The following LY6S variants were observed in gnomAD, a reference collection of about 807,000 sequenced individuals.
LY6S encodes the protein lymphocyte antigen 6S.
At chr8:143,072,439 G>A in the LY6S span, among the ~76,000 whole-genome samples, 3 of 124,178 alleles carry the variant, frequency 2.4e-5, no homozygotes, top group Non-Finnish European at 4.8e-5. Context: ...GGAGACAGCC[G>A]TCGTCCTCGG....
the LY6S span, among the ~76,000 whole-genome samples, chr8:143,071,078 C>T: frequency 2.6e-5 from 4 of 151,254 alleles, no homozygotes; most frequent in South Asian, 8.3e-4. Context: ...ACTCAGGAGG[C>T]GGCATGGCTG....
chr8:143,049,019 C>A, the LY6S span, among the ~76,000 whole-genome samples: 1 of 152,134 alleles, frequency 6.6e-6, no homozygotes, highest in Non-Finnish European at 1.5e-5. Context: ...GCAGCGGGGG[C>A]CACCTCAGTC....
At chr8:143,070,443 AT>A in the LY6S span, among the ~76,000 whole-genome samples, 7 of 71,570 alleles carry the variant, frequency 9.8e-5, 1 homozygote, top group African/African-American at 4.9e-4. Flanking sequence ...TTATATATAT[AT>A]TGTATATATA....
chr8:143,072,918 A>G, the LY6S span, among the ~76,000 whole-genome samples: 23,860 of 35,030 alleles, frequency 0.68, 9,405 homozygotes, highest in Non-Finnish European at 0.74. Flanking sequence ...GACAGCCGTC[A>G]TCCCCGGGGT....
At chr8:143,065,434 C>T in the LY6S span, among the ~76,000 whole-genome samples, 88 of 152,292 alleles carry the variant, frequency 5.8e-4, no homozygotes, top group East Asian at 0.015. Context: ...GTGTTCTGCC[C>T]CCTTTGCCTG....
At chr8:143,061,059 A>G in the LY6S span, among the ~76,000 whole-genome samples, 1 of 152,216 alleles carries the variant, frequency 6.6e-6, no homozygotes, top group Non-Finnish European at 1.5e-5. Flanking sequence ...AAATGAACTT[A>G]TTCTAATTTA....
the LY6S span, chr8:143,066,589 T>C: frequency 3.5e-6 from 1 of 288,792 alleles, no homozygotes; most frequent in Admixed American, 3.4e-5. Flanking sequence ...CTTTGTCATC[T>C]TGGAGGCATA....
At chr8:143,072,343 C>A in the LY6S span, among the ~76,000 whole-genome samples, 1 of 145,480 alleles carries the variant, frequency 6.9e-6, no homozygotes, top group Admixed American at 6.9e-5. Flanking sequence ...AGCCGTCGTC[C>A]TCGGGGTTCC....
At chr8:143,055,140 T>TA in the LY6S span, among the ~76,000 whole-genome samples, 2 of 152,228 alleles carry the variant, frequency 1.3e-5, no homozygotes, top group Non-Finnish European at 2.9e-5. Flanking sequence ...CTACTCCCTT[T>TA]AATAGTGCTG....
chr8:143,068,748 T>C, the LY6S span, among the ~76,000 whole-genome samples: 7 of 141,858 alleles, frequency 4.9e-5, no homozygotes, highest in Admixed American at 3.4e-4. Context: ...ACTTGACTAA[T>C]AATTTCTTTT....
At chr8:143,048,561 T>C in the LY6S span, among the ~76,000 whole-genome samples, 2 of 150,412 alleles carry the variant, frequency 1.3e-5, no homozygotes, top group Admixed American at 6.7e-5. Flanking sequence ...CTCCACCTCC[T>C]GGTTCAAGCG....
chr8:143,059,241 A>C, the LY6S span, among the ~76,000 whole-genome samples: 1 of 152,194 alleles, frequency 6.6e-6, no homozygotes, highest in Admixed American at 6.5e-5. Context: ...GGTCAAATTC[A>C]TGTATATTTA....
chr8:143,046,053 A>G, the LY6S span, among the ~76,000 whole-genome samples: 1 of 152,002 alleles, frequency 6.6e-6, no homozygotes, highest in Non-Finnish European at 1.5e-5. Flanking sequence ...GGGTTTCACC[A>G]TGTTGGCCAG....
the LY6S span, among the ~76,000 whole-genome samples, chr8:143,063,406 A>G: frequency 6.6e-6 from 1 of 152,232 alleles, no homozygotes; most frequent in South Asian, 2.1e-4. Flanking sequence ...GCAGCTCCCA[A>G]TTTACTCCAA....
At chr8:143,060,678 G>A in the LY6S span, among the ~76,000 whole-genome samples, 20 of 152,192 alleles carry the variant, frequency 1.3e-4, no homozygotes, top group African/African-American at 4.8e-4. Context: ...CGGTCTCCAC[G>A]CCTTGGTGGT....
the LY6S span, among the ~76,000 whole-genome samples, chr8:143,074,023 G>A: frequency 6.6e-6 from 1 of 150,782 alleles, no homozygotes; most frequent in South Asian, 2.1e-4. Context: ...GGGTTCTCTA[G>A]TGCTAAGGTG....
the LY6S span, among the ~76,000 whole-genome samples, chr8:143,064,675 A>G: frequency 6.6e-6 from 1 of 152,220 alleles, no homozygotes; most frequent in Admixed American, 6.5e-5. Context: ...GTGGGTATGC[A>G]AAAGAAAACT....
At chr8:143,069,400 C>T in the LY6S span, among the ~76,000 whole-genome samples, 2 of 152,208 alleles carry the variant, frequency 1.3e-5, no homozygotes, top group Non-Finnish European at 2.9e-5. Context: ...ACCGTAAATA[C>T]TCTCTCAAAG....
At chr8:143,067,534 T>G in the LY6S span, among the ~76,000 whole-genome samples, 1 of 152,100 alleles carries the variant, frequency 6.6e-6, no homozygotes, top group African/African-American at 2.4e-5. Flanking sequence ...AGAAAAGAAA[T>G]AAGACACAGA....
Sources: gnomAD v4.1 joint callset for allele counts (sites outside exome capture counted in the v4.1 genomes callset) on GRCh38, gnomAD v4.1.1 for gene constraint, MANE v1.5 for transcripts, NCBI Gene and HGNC (gene_info 2026-07-23, HGNC 2026-07-21) for gene names.